Variants in BLTP1 observed in about 807,000 individuals in gnomAD.
BLTP1 encodes the protein bridge-like lipid transfer protein family member 1, also known as fragile site-associated protein.
At chr4:122,349,318 A>T in the BLTP1 span, 1 of 1,609,930 alleles carries the variant, frequency 6.2e-7, no homozygotes, top group Non-Finnish European at 8.5e-7. The surrounding 1 kb of genome is among the most constrained non-coding windows in gnomAD (Gnocchi z 4.5). Context: ...GATGGTTGGT[A>T]TGTTGAAATT....
At chr4:122,333,677 AAAG>A in the BLTP1 span, 72 of 1,611,392 alleles carry the variant, frequency 4.5e-5, no homozygotes, top group Middle Eastern at 1.7e-4. Flanking sequence ...CACCTTCAAA[AAAG>A]AAGAAGTTTC....
At chr4:122,289,816 T>A in the BLTP1 span, 4 of 980,734 alleles carry the variant, frequency 4.1e-6, no homozygotes, top group Non-Finnish European at 4.8e-6. Context: ...GATTAATTCA[T>A]TCATTTAACA....
At chr4:122,238,350 G>A in the BLTP1 span, 1 of 1,612,914 alleles carries the variant, frequency 6.2e-7, no homozygotes, top group Non-Finnish European at 8.5e-7. Flanking sequence ...GGCCAAGCAA[G>A]GTCAGTATTC....
the BLTP1 span, chr4:122,206,131 T>C: frequency 3.4e-6 from 3 of 889,174 alleles, no homozygotes; most frequent in Non-Finnish European, 4.0e-6. Flanking sequence ...TGAACAAATA[T>C]GATTGATTAT....
chr4:122,343,267 A>G, the BLTP1 span: 2 of 1,075,764 alleles, frequency 1.9e-6, no homozygotes, highest in Non-Finnish European at 2.6e-6. Flanking sequence ...AAGGATTTAA[A>G]TCTATTGATC....
the BLTP1 span, chr4:122,247,715 T>C: frequency 9.7e-7 from 1 of 1,030,582 alleles, no homozygotes; most frequent in African/African-American, 1.7e-5. Context: ...ATTCTGTTTG[T>C]AAAACAGTGT....
the BLTP1 span, chr4:122,289,842 T>C: frequency 1.0e-6 from 1 of 958,256 alleles, no homozygotes; most frequent in Non-Finnish European, 1.2e-6. Flanking sequence ...ATGAAGTATC[T>C]AGGTATTCAC....
At chr4:122,203,490 G>T in the BLTP1 span, among the ~76,000 whole-genome samples, 1 of 151,720 alleles carries the variant, frequency 6.6e-6, no homozygotes, top group Non-Finnish European at 1.5e-5. Context: ...GTGAGTTGTT[G>T]GTGGGTTTTT....
chr4:122,189,533 A>T, the BLTP1 span: 2 of 795,444 alleles, frequency 2.5e-6, no homozygotes, highest in Non-Finnish European at 3.0e-6. Flanking sequence ...TTATAGTTTA[A>T]TATACAGATA....
At chr4:122,347,899 C>CAAAAAAAAA in the BLTP1 span, 1 of 371,448 alleles carries the variant, frequency 2.7e-6, no homozygotes. Flanking sequence ...TATGACACGT[C>CAAAAAAAAA]AAAAAAAAAA....
chr4:122,307,790 C>G, the BLTP1 span: 1 of 984,978 alleles, frequency 1.0e-6, no homozygotes, highest in Non-Finnish European at 1.2e-6. Context: ...AAAATGGTGA[C>G]TATATGTCCT....
At chr4:122,266,960 T>C in the BLTP1 span, 3 of 1,522,606 alleles carry the variant, frequency 2.0e-6, no homozygotes, top group Non-Finnish European at 2.7e-6. Context: ...AGCAAGAAGG[T>C]GTCTTTTGCA....
At chr4:122,240,008 T>A in the BLTP1 span, 1 of 1,614,180 alleles carries the variant, frequency 6.2e-7, no homozygotes, top group Admixed American at 1.7e-5. Context: ...GGCCACTTAC[T>A]GGACATGGAG....
the BLTP1 span, chr4:122,243,703 T>G: frequency 2.1e-6 from 2 of 963,478 alleles, no homozygotes; most frequent in Non-Finnish European, 2.8e-6. Flanking sequence ...GGTGACAGAG[T>G]GAGACTCTAT....
chr4:122,356,113 G>T, the BLTP1 span: 3 of 718,844 alleles, frequency 4.2e-6, no homozygotes, highest in Non-Finnish European at 6.4e-6. Context: ...AGGCAAAATT[G>T]ATTTATTTTC....
chr4:122,330,552 A>G, the BLTP1 span, among the ~76,000 whole-genome samples: 577 of 151,944 alleles, frequency 3.8e-3, 4 homozygotes, highest in African/African-American at 0.013. Flanking sequence ...TTCTTAGCCA[A>G]TTATTAAAAT....
At chr4:122,349,431 A>G in the BLTP1 span, 2 of 1,565,854 alleles carry the variant, frequency 1.3e-6, no homozygotes, top group Non-Finnish European at 1.7e-6. The surrounding 1 kb of genome is among the most constrained non-coding windows in gnomAD (Gnocchi z 4.5). Flanking sequence ...GTCAAAATTA[A>G]TTATTGTTTC....
At chr4:122,245,266 ATAT>A in the BLTP1 span, 2 of 742,438 alleles carry the variant, frequency 2.7e-6, no homozygotes, top group Non-Finnish European at 2.2e-6. Context: ...AAAAGCGTTT[ATAT>A]GTCATTGGCT....
chr4:122,339,620 G>C, the BLTP1 span, among the ~76,000 whole-genome samples: 1 of 152,004 alleles, frequency 6.6e-6, no homozygotes, highest in East Asian at 1.9e-4. Flanking sequence ...TCTGTTTTTA[G>C]CTGAATGGCA....
Sources: gnomAD v4.1 joint callset for allele counts (sites outside exome capture counted in the v4.1 genomes callset) on GRCh38, gnomAD v4.1.1 for gene constraint, Gnocchi (gnomAD v3.1) non-coding constraint, MANE v1.5 for transcripts, NCBI Gene and HGNC (gene_info 2026-07-23, HGNC 2026-07-21) for gene names.